The following TMEM135 variants were observed in gnomAD, a reference collection of about 807,000 sequenced individuals.
TMEM135 encodes peroxisomal membrane protein 52.
A neutral mutation model predicts 60.3 loss-of-function variants in TMEM135; 30 were observed. The observed-to-expected ratio is 0.50, with a 90% CI of 0.37 to 0.68. The LOEUF (loss-of-function observed/expected upper bound fraction) is 0.68, where lower values mean the gene tolerates loss of function less well. Among genes scored for constraint, TMEM135 ranks in the 30% least tolerant of loss-of-function variants. TMEM135 has a pLI of 0.00. For missense variants in TMEM135, 468 were observed against 548.8 expected (o/e 0.85, Z 1.47); for synonymous variants, 190 against 186.7 (o/e 1.02, Z -0.14).
chr11:87,084,468 C>G (rs1271784319), intron 3 of TMEM135, among the ~76,000 whole-genome samples: 2 of 152,078 alleles, frequency 1.3e-5, no homozygotes, highest in African/African-American at 4.8e-5. Flanking sequence ...CCACCGTGAC[C>G]AGGTCAGTTT....
At chr11:87,206,626 T>A (rs1940240562) in intron 5 of TMEM135, among the ~76,000 whole-genome samples, 1 of 152,172 alleles carries the variant, frequency 6.6e-6, no homozygotes, top group African/African-American at 2.4e-5. Flanking sequence ...ACACAAACAC[T>A]TAATGTTAGT....
intron 4 of TMEM135, among the ~76,000 whole-genome samples, chr11:87,117,532 T>A (rs1857920698): frequency 6.6e-6 from 1 of 152,196 alleles, no homozygotes; most frequent in Non-Finnish European, 1.5e-5. Context: ...AGGAGTAAAT[T>A]TCATTTCAAG....
intron 5 of TMEM135, among the ~76,000 whole-genome samples, chr11:87,172,704 C>G (rs906306106): frequency 4.6e-5 from 7 of 151,870 alleles, no homozygotes; most frequent in African/African-American, 1.7e-4. Flanking sequence ...GTGGCAAATA[C>G]TACTTTAATT....
At chr11:87,058,722 C>A (rs1949917478) in intron 1 of TMEM135, among the ~76,000 whole-genome samples, 1 of 152,100 alleles carries the variant, frequency 6.6e-6, no homozygotes, top group Admixed American at 6.6e-5. Flanking sequence ...TGGGTTCATG[C>A]CATTGTCCTG....
At chr11:87,126,585 T>A (rs1319188098) in intron 4 of TMEM135, among the ~76,000 whole-genome samples, 1 of 135,218 alleles carries the variant, frequency 7.4e-6, no homozygotes, top group African/African-American at 2.7e-5. Context: ...TTTGTTTTGC[T>A]TTGCTTTTTA....
intron 5 of TMEM135, among the ~76,000 whole-genome samples, chr11:87,192,843 G>A (rs1001494015): frequency 1.3e-5 from 2 of 152,112 alleles, no homozygotes; most frequent in East Asian, 1.9e-4. Context: ...TGCCGGGCAT[G>A]GTGGCTCACG....
At chr11:87,201,227 G>A (rs955472629) in intron 5 of TMEM135, among the ~76,000 whole-genome samples, 2 of 152,162 alleles carry the variant, frequency 1.3e-5, no homozygotes, top group Non-Finnish European at 2.9e-5. Flanking sequence ...ACATCATCCT[G>A]TCTTGGAGAA....
intron 4 of TMEM135, among the ~76,000 whole-genome samples, chr11:87,148,663 A>T (rs1268875849): frequency 6.6e-6 from 1 of 152,188 alleles, no homozygotes; most frequent in Non-Finnish European, 1.5e-5. Flanking sequence ...GTTAAAAATC[A>T]TATCACTAGA....
At chr11:87,287,112 T>A (rs911157834) in intron 6 of TMEM135, among the ~76,000 whole-genome samples, 2 of 152,198 alleles carry the variant, frequency 1.3e-5, no homozygotes, top group Non-Finnish European at 2.9e-5. Flanking sequence ...TGTAACACTT[T>A]ACTCCAATTG....
rs1942949089 is a variant in TMEM135 at position 87,328,636 on chromosome 11, C to T, written c.*7303C>T. The T allele has an allele frequency of 2.2e-6, 1 of 453,922 alleles. No homozygotes were observed. The highest frequency in any genetic ancestry group is 2.0e-5 in the African/African-American group (1 of 49,984). 28.1% of individuals were successfully genotyped at this position (453,922 alleles called of 1,614,324 possible). A position where few individuals can be genotyped will look rare whatever the true frequency, so the allele number is the denominator to read the frequency against. On this transcript the variant is annotated 3_prime_UTR_variant, in exon 15 of 15. Transcript: ENST00000305494. ...GGAGTTACTTTACTTAGAATAATGG[C>T]CTCCAGCTCCATCCAAGATGCTGCA...
intron 5 of TMEM135, among the ~76,000 whole-genome samples, chr11:87,199,500 C>T (rs531554176): frequency 1.3e-5 from 2 of 152,304 alleles, no homozygotes; most frequent in South Asian, 4.1e-4. Context: ...CAATAATTTG[C>T]TCACTTGAGC....
chr11:87,139,147 C>CTT (rs951305943), intron 4 of TMEM135, among the ~76,000 whole-genome samples: 15 of 152,228 alleles, frequency 9.9e-5, no homozygotes, highest in African/African-American at 2.9e-4. Flanking sequence ...GAATTTCTTT[C>CTT]TAAAGCATCT....
chr11:87,062,741 C>T (rs1949962661), intron 1 of TMEM135, among the ~76,000 whole-genome samples: 3 of 151,878 alleles, frequency 2.0e-5, no homozygotes, highest in Admixed American at 1.3e-4. Context: ...GGGATATAAG[C>T]GTGAGCCACT....
At chr11:87,179,835 G>A (rs1388194180) in intron 5 of TMEM135, among the ~76,000 whole-genome samples, 1 of 152,216 alleles carries the variant, frequency 6.6e-6, no homozygotes, top group East Asian at 1.9e-4. Context: ...AGAATACACA[G>A]CACAGCTGTT....
intron 5 of TMEM135, among the ~76,000 whole-genome samples, chr11:87,228,606 C>G (rs553508531): frequency 6.6e-6 from 1 of 152,100 alleles, no homozygotes. Context: ...GTTCACTACT[C>G]ACTAAGCACC....
chr11:87,131,551 C>G (rs946855661), intron 4 of TMEM135, among the ~76,000 whole-genome samples: 12 of 152,108 alleles, frequency 7.9e-5, no homozygotes, highest in African/African-American at 2.7e-4. Context: ...TTGCCTAAGA[C>G]TACCATGAAT....
At chr11:87,133,319 G>T (rs772706748) in intron 4 of TMEM135, among the ~76,000 whole-genome samples, 1 of 152,040 alleles carries the variant, frequency 6.6e-6, no homozygotes, top group Non-Finnish European at 1.5e-5. Context: ...ATACACCCAC[G>T]TAACCATCAC....
At chr11:87,247,201 G>A (rs375853380) in intron 6 of TMEM135, among the ~76,000 whole-genome samples, 2 of 152,124 alleles carry the variant, frequency 1.3e-5, no homozygotes, top group Non-Finnish European at 2.9e-5. Flanking sequence ...ATGTCTGATC[G>A]TTCCTCTGGA....
At chr11:87,297,120 C>T (rs1942360123) in intron 7 of TMEM135, among the ~76,000 whole-genome samples, 1 of 152,066 alleles carries the variant, frequency 6.6e-6, no homozygotes, top group South Asian at 2.1e-4. Flanking sequence ...ACAATAAAGA[C>T]TAGAATTTGG....
Sources: allele counts gnomAD v4.1 joint callset (sites outside exome capture counted in the v4.1 genomes callset), GRCh38; gene constraint gnomAD v4.1.1; transcripts MANE v1.5; gene names NCBI Gene and HGNC (gene_info 2026-07-23, HGNC 2026-07-21).